PLD5: variants seen among roughly 807,000 people sequenced by gnomAD.
The protein encoded by PLD5 is inactive phospholipase D5.
Under a neutral mutation model 61.1 loss-of-function variants are expected in PLD5, and 36 were observed. The ratio of observed to expected loss-of-function variants is 0.59; its 90% CI spans 0.45 to 0.78. The LOEUF (loss-of-function observed/expected upper bound fraction) is 0.78. Ranked by LOEUF, PLD5 falls within the 30% of genes least tolerant of loss-of-function variation. The pLI, the probability that PLD5 is intolerant of heterozygous loss-of-function variation, is 0.00. For synonymous variants in PLD5, 243 were observed against 242.8 expected, an observed-to-expected ratio of 1.00 and a Z score of -0.01; for missense variants, 515 against 644.4, an observed-to-expected ratio of 0.80 and a Z score of 2.17.
In PLD5 at chr1:242,393,081, G is replaced by A. The variant is rs375654954; in HGVS notation, c.190-44839C>T. On this transcript the variant is annotated intron_variant, in intron 1 of 9. Coordinates refer to ENST00000536534, the MANE Select transcript of PLD5 (RefSeq NM_001372062.1). Reference sequence around the variant, plus strand: ...TAGCTGGGTGTGGGGATGCGTGCCTGTAATCCCAGCTACTCAGGAGGCTGA... The same window carrying A: ...TAGCTGGGTGTGGGGATGCGTGCCTATAATCCCAGCTACTCAGGAGGCTGA... 2.8e-4 allele frequency among the ~76,000 whole-genome samples: 42 copies of A among 151,102 alleles called. 1 individual carries two copies. The East Asian group carries it at 4.2e-3, about 15-fold the overall frequency.
intron 1 of PLD5, among the ~76,000 whole-genome samples, chr1:242,490,723 T>C (rs1160355343): frequency 1.3e-5 from 2 of 152,184 alleles, no homozygotes; most frequent in African/African-American, 2.4e-5. Context: ...TTTTTTAATC[T>C]TGAGGATTTC....
chr1:242,508,123 G>A (rs1456303686), intron 1 of PLD5, among the ~76,000 whole-genome samples: 1 of 151,840 alleles, frequency 6.6e-6, no homozygotes, highest in Non-Finnish European at 1.5e-5. Context: ...CAGCACTTTG[G>A]GAGGCCAAGG....
chr1:242,342,961 A>C (rs1659925316), intron 2 of PLD5, among the ~76,000 whole-genome samples: 1 of 152,236 alleles, frequency 6.6e-6, no homozygotes, highest in African/African-American at 2.4e-5. Context: ...ACAAAAAATC[A>C]TAAGGATTTT....
At chr1:242,191,500 C>T (rs192894428) in intron 5 of PLD5, among the ~76,000 whole-genome samples, 3 of 152,088 alleles carry the variant, frequency 2.0e-5, no homozygotes, top group East Asian at 3.9e-4. Context: ...GCAGGAAAAT[C>T]GCTTGAACCC....
intron 9 of PLD5, among the ~76,000 whole-genome samples, chr1:242,094,651 C>T (rs1307388845): frequency 6.6e-6 from 1 of 151,940 alleles, no homozygotes; most frequent in Non-Finnish European, 1.5e-5. Flanking sequence ...GTAAAATTCA[C>T]TCATTTAAAA....
chr1:242,478,493 C>T (rs1251740861), intron 1 of PLD5, among the ~76,000 whole-genome samples: 13 of 152,318 alleles, frequency 8.5e-5, no homozygotes, highest in Non-Finnish European at 1.9e-4. Context: ...TCCTACCTCT[C>T]TGTATTTGTT....
chr1:242,258,306 A>G (rs115603246), intron 4 of PLD5, among the ~76,000 whole-genome samples: 1,845 of 152,280 alleles, frequency 0.012, 51 homozygotes, highest in African/African-American at 0.042. Flanking sequence ...TCCACTGAGT[A>G]TGGTCACTGC....
intron 9 of PLD5, among the ~76,000 whole-genome samples, chr1:242,095,001 ATCTCGGC>A (rs1660109931): frequency 6.8e-6 from 1 of 147,948 alleles, no homozygotes; most frequent in Non-Finnish European, 1.5e-5. Flanking sequence ...TGCAGTGGCA[ATCTCGGC>A]TCACTGCAAC....
At position 242,275,640 on chromosome 1, in the gene PLD5, A is replaced by G. The variant is rs145012883; in HGVS notation, c.496-10192T>C. 7.2e-3 allele frequency among the ~76,000 whole-genome samples: 1,096 copies of G among 152,326 alleles called. 16 individuals carry two copies. Among genetic ancestry groups the G allele is most frequent in the African/African-American group, 0.025 (1,037 of 41,564 alleles). ...ATGACAGATAAGCAAATACAGCCCAATATTCCAAATTCCAGGATGGAGGAA... is the reference window on the plus strand; with the variant it reads ...ATGACAGATAAGCAAATACAGCCCAGTATTCCAAATTCCAGGATGGAGGAA... On this transcript the variant is annotated intron_variant, in intron 3 of 9. Coordinates refer to ENST00000536534, the MANE Select transcript of PLD5 (RefSeq NM_001372062.1).
At chr1:242,352,092 C>T (rs1660509886) in intron 1 of PLD5, among the ~76,000 whole-genome samples, 1 of 152,094 alleles carries the variant, frequency 6.6e-6, no homozygotes, top group Non-Finnish European at 1.5e-5. Context: ...CTTAATGATA[C>T]AATGTACAGT....
In PLD5 at chr1:242,290,871, C is replaced by T. The variant is rs1483536763; in HGVS notation, c.327-2341G>A. On this transcript the variant is annotated intron_variant, in intron 2 of 9. Transcript: ENST00000536534. ...TCCTGCCCTTCTCCAAATCATTTTC[C>T]CTACTAGTGTTGGATTAATCTTTTA... Among the ~76,000 whole-genome samples, 5 of 151,968 alleles carry T rather than the reference C, an allele frequency of 3.3e-5. No individual in the cohort carries two copies. In the South Asian group the frequency reaches 1.0e-3, roughly 32 times the overall value.
At chr1:242,527,820 G>T (rs1669481685), upstream of PLD5, among the ~76,000 whole-genome samples, 1 of 152,112 alleles carries the variant, frequency 6.6e-6, no homozygotes, top group African/African-American at 2.4e-5. Context: ...TGAGAATTTT[G>T]CACCAAAAAT....
At chr1:242,274,222 A>T (rs937018806) in intron 3 of PLD5, among the ~76,000 whole-genome samples, 6 of 152,218 alleles carry the variant, frequency 3.9e-5, no homozygotes, top group Admixed American at 2.6e-4. Context: ...CACAAATGAG[A>T]GATGAAGGGA....
intron 2 of PLD5, among the ~76,000 whole-genome samples, chr1:242,309,956 T>C (rs1676601578): frequency 6.6e-6 from 1 of 151,108 alleles, no homozygotes; most frequent in Non-Finnish European, 1.5e-5. Context: ...ATGTACCATT[T>C]AAAGTTTAAA....
intron 1 of PLD5, among the ~76,000 whole-genome samples, chr1:242,375,885 A>T (rs1415232899): frequency 6.6e-6 from 1 of 152,150 alleles, no homozygotes; most frequent in African/African-American, 2.4e-5. Flanking sequence ...GAAGTTGCAC[A>T]TCCCAACTCT....
At chr1:242,375,516 A>C (rs1661895633) in intron 1 of PLD5, among the ~76,000 whole-genome samples, 1 of 152,180 alleles carries the variant, frequency 6.6e-6, no homozygotes, top group Non-Finnish European at 1.5e-5. Flanking sequence ...TGGAGTGCAT[A>C]ACACCTGACA....
At chr1:242,350,434 T>TACACACACACAC (rs57955584) in intron 1 of PLD5, among the ~76,000 whole-genome samples, 18 of 145,422 alleles carry the variant, frequency 1.2e-4, no homozygotes, top group African/African-American at 4.1e-4. Context: ...TATACACACG[T>TACACACACACAC]ACACACACAC....
At chr1:242,307,006 A>T (rs941533116) in intron 2 of PLD5, among the ~76,000 whole-genome samples, 1 of 152,264 alleles carries the variant, frequency 6.6e-6, no homozygotes, top group Non-Finnish European at 1.5e-5. Flanking sequence ...TCTCATTATC[A>T]ATTTGTAGGG....
rs550109591 is a variant in PLD5, at chr1:242,093,007, G to GC, written c.1355-2898dup. Among the ~76,000 whole-genome samples, 113 of 152,128 alleles carry GC rather than the reference G, an allele frequency of 7.4e-4. 1 individual carries two copies. The highest frequency in any genetic ancestry group is 2.6e-3 in the African/African-American group (109 of 41,496). The stretch of plus-strand genomic sequence containing the variant: ...CTCCCCTCATCCCAACCCATCATCT[G>GC]CCCCCTCAATAAACAGCACAACGGT... On this transcript the variant is annotated intron_variant, in intron 9 of 9. Transcript: ENST00000536534.
Sources: gnomAD v4.1 joint callset for allele counts (sites outside exome capture counted in the v4.1 genomes callset) on GRCh38, gnomAD v4.1.1 for gene constraint, MANE v1.5 for transcripts, NCBI Gene and HGNC (gene_info 2026-07-23, HGNC 2026-07-21) for gene names.